DCBLD1: variants seen among roughly 807,000 people sequenced by gnomAD.
DCBLD1 encodes discoidin, CUB and LCCL domain containing 1.
A neutral mutation model predicts 71.5 loss-of-function variants in DCBLD1; 57 were observed. The observed-to-expected ratio is 0.80, with a 90% CI of 0.64 to 0.99. The LOEUF (loss-of-function observed/expected upper bound fraction) is 0.99. DCBLD1 is among the 50% of genes least tolerant of loss of function. The probability of loss-of-function intolerance (pLI) is 0.00; values close to 1 mark genes in which losing one functional copy is unlikely to be tolerated. For synonymous variants in DCBLD1, 380 were observed against 363.8 expected (o/e 1.04, Z -0.51); for missense variants, 891 against 923.5 (o/e 0.96, Z 0.46).
At chr6:117,495,485 G>T (rs922580103) in intron 1 of DCBLD1, among the ~76,000 whole-genome samples, 28 of 152,040 alleles carry the variant, frequency 1.8e-4, no homozygotes, top group African/African-American at 6.8e-4. Flanking sequence ...ATGAAATTGG[G>T]CACTATTGTT....
intron 5 of DCBLD1, among the ~76,000 whole-genome samples, chr6:117,530,222 A>G (rs1388384191): frequency 6.6e-6 from 1 of 152,208 alleles, no homozygotes; most frequent in East Asian, 1.9e-4. Flanking sequence ...AGACCTTCAG[A>G]AAAGACACTA....
intron 13 of DCBLD1, 63 bp downstream of exon 13, chr6:117,544,640 T>C: frequency 6.3e-7 from 1 of 1,592,586 alleles, no homozygotes; most frequent in South Asian, 1.1e-5. Context: ...ATCTGCTGAT[T>C]GAAAGCATAA....
At chr6:117,535,709 G>A (rs182135587) in intron 6 of DCBLD1, among the ~76,000 whole-genome samples, 11 of 152,166 alleles carry the variant, frequency 7.2e-5, no homozygotes, top group Admixed American at 2.0e-4. Context: ...TCTTAGGGTC[G>A]CCGCAGCATT....
intron 14 of DCBLD1, chr6:117,560,263 AAAATATTT>A (rs1405858994): frequency 5.8e-6 from 1 of 172,788 alleles, no homozygotes; most frequent in Non-Finnish European, 1.3e-5. Flanking sequence ...ATAACAAGCC[AAAATATTT>A]AACGTCAAGG....
intron 14 of DCBLD1, among the ~76,000 whole-genome samples, chr6:117,565,979 C>G (rs933165629): frequency 4.6e-5 from 7 of 152,234 alleles, no homozygotes; most frequent in South Asian, 4.1e-4. Context: ...ATTAAAAAGA[C>G]AGGTACTCAA....
In DCBLD1 at chr6:117,521,557, T is replaced by G; in HGVS notation, c.493T>G (p.Tyr165Asp). The G allele has an allele frequency of 1.3e-6, 2 of 1,568,572 alleles. No individual in the cohort carries two copies. The highest frequency in any genetic ancestry group is 1.7e-6 in the Non-Finnish European group (2 of 1,166,446). ...LITCLERASH[Y>D]LKTEYSKFCP... Reference sequence around the variant, plus strand: ...AACATGTTTGGAACGAGCTAGCCATTATTTGAAGACAGAATACAGGTAAGT... The same window carrying G: ...AACATGTTTGGAACGAGCTAGCCATGATTTGAAGACAGAATACAGGTAAGT... The change falls in exon 4 of 15, where the codon TAT becomes GAT. Residue 165 changes from tyrosine to aspartate, a missense_variant. By Grantham distance (160) the Tyr-to-Asp change is radical. Transcript: ENST00000338728.
intron 14 of DCBLD1, chr6:117,567,139 G>C: frequency 1.5e-6 from 1 of 677,974 alleles, no homozygotes; most frequent in East Asian, 3.0e-5. Flanking sequence ...AGATCTAAGA[G>C]ATAGCTGATT....
At chr6:117,546,261 A>C (rs140175057) in intron 14 of DCBLD1, among the ~76,000 whole-genome samples, 1 of 152,310 alleles carries the variant, frequency 6.6e-6, no homozygotes, top group East Asian at 1.9e-4. Flanking sequence ...CAATTTCTGC[A>C]CCTGTCTCTA....
At position 117,549,321 on chromosome 6, in the gene DCBLD1, G is replaced by A; in HGVS notation, c.*882G>A. On this transcript the variant is annotated 3_prime_UTR_variant, in exon 15 of 15. Coordinates refer to ENST00000338728, the MANE Select transcript of DCBLD1 (RefSeq NM_001366458.2). ...CTTCCGCTGTCCTCTGAAAAACAAA[G>A]TTATTTGGAACATGTTCATGCAAAA... 1 of 985,370 alleles carries A rather than the reference G, an allele frequency of 1.0e-6. No individual in the cohort carries two copies. The allele number at this position is 985,370 out of a possible 1,614,324, so 61.0% of individuals were successfully genotyped here.
chr6:117,554,397 A>G (rs57533520), downstream of DCBLD1, among the ~76,000 whole-genome samples: 1 of 152,182 alleles, frequency 6.6e-6, no homozygotes, highest in Non-Finnish European at 1.5e-5. Flanking sequence ...TTTCCCCCTC[A>G]CAAGGAATGT....
At chr6:117,561,466 T>A (rs1583045412) in intron 14 of DCBLD1, 1 of 220,904 alleles carries the variant, frequency 4.5e-6, no homozygotes, top group African/African-American at 2.2e-5. Context: ...TCGGGTCTGC[T>A]ACAATGGACA....
At chr6:117,556,597 A>G (rs1019488218) in intron 14 of DCBLD1, among the ~76,000 whole-genome samples, 1 of 152,154 alleles carries the variant, frequency 6.6e-6, no homozygotes, top group African/African-American at 2.4e-5. Flanking sequence ...TATATTTACC[A>G]CATTTTCTTT....
At chr6:117,559,437 A>G (rs1279636048) in intron 14 of DCBLD1, among the ~76,000 whole-genome samples, 2 of 152,204 alleles carry the variant, frequency 1.3e-5, no homozygotes, top group Non-Finnish European at 2.9e-5. Flanking sequence ...GCTAAAGTTG[A>G]GGAGTCATCA....
At chr6:117,510,846 T>C (rs2114454031) in intron 2 of DCBLD1, among the ~76,000 whole-genome samples, 1 of 152,336 alleles carries the variant, frequency 6.6e-6, no homozygotes, top group East Asian at 1.9e-4. Flanking sequence ...AAAGACCATG[T>C]AATAATGTGG....
chr6:117,555,344 CTTTTTCCTCTGAAAAATCAGGGTT>C (rs529380333), intron 14 of DCBLD1, among the ~76,000 whole-genome samples: 9 of 152,084 alleles, frequency 5.9e-5, no homozygotes, highest in African/African-American at 2.2e-4. Flanking sequence ...AGCAGTTTGC[CTTTTTCCTCTGAAAAATCAGGGTT>C]TTTTTTTGTA....
At chr6:117,563,502 A>G in intron 14 of DCBLD1, 3 of 903,036 alleles carry the variant, frequency 3.3e-6, no homozygotes, top group Non-Finnish European at 5.2e-6. Flanking sequence ...TGGGTGGATA[A>G]CCTGAGGTTA....
intron 5 of DCBLD1, among the ~76,000 whole-genome samples, chr6:117,526,597 A>G (rs577102243): frequency 1.3e-5 from 2 of 152,166 alleles, no homozygotes; most frequent in African/African-American, 4.8e-5. Context: ...GGTTTCCTGC[A>G]TGGTAGATGG....
At chr6:117,487,610 C>A (rs1042447039) in intron 1 of DCBLD1, among the ~76,000 whole-genome samples, 1 of 152,020 alleles carries the variant, frequency 6.6e-6, no homozygotes, top group Non-Finnish European at 1.5e-5. Context: ...GGCAACAGAG[C>A]AAGACCCAGT....
At chr6:117,567,525 A>G (rs1358348411) in intron 14 of DCBLD1, among the ~76,000 whole-genome samples, 2 of 152,170 alleles carry the variant, frequency 1.3e-5, no homozygotes, top group East Asian at 3.8e-4. Flanking sequence ...TTCTTAACTA[A>G]TTCAAGAAAC....
Sources: allele counts gnomAD v4.1 joint callset (sites outside exome capture counted in the v4.1 genomes callset), GRCh38; gene constraint gnomAD v4.1.1; transcripts MANE v1.5; gene names NCBI Gene and HGNC (gene_info 2026-07-23, HGNC 2026-07-21).